Variants in DSCAML1 observed in about 807,000 individuals in gnomAD.
DSCAML1 encodes the protein cell adhesion molecule DSCAML1.
In DSCAML1, 38 loss-of-function variants were observed where a neutral mutation model predicts 200.5. The observed-to-expected ratio is 0.19, with a 90% confidence interval of 0.15 to 0.25. The LOEUF is 0.25. DSCAML1 is among the 10% of genes least tolerant of loss of function. The probability of loss-of-function intolerance (pLI) is 1.00; values close to 1 mark genes in which losing one functional copy is unlikely to be tolerated. For synonymous variants in DSCAML1, 1,215 were observed against 1,165.0 expected (o/e 1.04, Z -0.87); for missense variants, 2,223 against 2,858.8 (o/e 0.78, Z 5.07).
rs116734001 is a variant in DSCAML1, at chr11:117,749,460, T to C, written c.511+27331A>G. 9.2e-3 allele frequency among the ~76,000 whole-genome samples: 1,396 copies of C among 152,320 alleles called. 23 individuals are homozygous for C. Among genetic ancestry groups the C allele is most frequent in the African/African-American group, 0.031 (1,304 of 41,574 alleles). The stretch of plus-strand genomic sequence containing the variant: ...GAGAGGCCACGAACTGCCCTGTGCC[T>C]CTAACACTCCCTGTCTGTTAGCACA... On this transcript the variant is annotated intron_variant, in intron 3 of 32. Transcript: ENST00000651296.
At position 117,431,554 on chromosome 11, in the gene DSCAML1, G is replaced by A. The variant is rs756863051; in HGVS notation, c.5354C>T (p.Ala1785Val). Residue 1785 changes from alanine to valine, a missense_variant, in exon 31 of 33, where the codon GCC becomes GTC. Ala to Val is a moderately conservative substitution (Grantham distance 64). Around this residue, in one of 7 missense-constraint regions of DSCAML1, gnomAD observed 96 missense variants for 160.7 expected, o/e 0.60. Coordinates refer to ENST00000651296, the MANE Select transcript of DSCAML1 (RefSeq NM_020693.4). ...VTVTESDSYS[A>V]SLSQDTDKGR... ...CACACCTGTGTCCTGGGACAGGCTG[G>A]CACTGTAGCTGTCACTCTCAGTGAC... 1.3e-6 allele frequency: 2 copies of A among 1,595,426 alleles called. No individual in the cohort carries two copies. Among genetic ancestry groups the A allele is most frequent in the Non-Finnish European group, 1.7e-6 (2 of 1,169,790 alleles).
intron 3 of DSCAML1, among the ~76,000 whole-genome samples, chr11:117,742,434 C>T (rs1329020985): frequency 6.6e-6 from 1 of 152,174 alleles, no homozygotes; most frequent in Non-Finnish European, 1.5e-5. Flanking sequence ...GGGGCCCCAC[C>T]CCATGGCTGG....
chr11:117,474,512 G>T (rs1430297101), intron 14 of DSCAML1, among the ~76,000 whole-genome samples: 2 of 151,886 alleles, frequency 1.3e-5, no homozygotes, highest in Non-Finnish European at 2.9e-5. Context: ...ATCCAGCCTG[G>T]GCCTCTCCTT....
intron 3 of DSCAML1, among the ~76,000 whole-genome samples, chr11:117,564,137 G>A (rs544078565): frequency 1.6e-4 from 24 of 152,314 alleles, no homozygotes; most frequent in African/African-American, 5.8e-4. Context: ...GTTTAACACT[G>A]TATCCGCAAG....
At chr11:117,803,782 T>G (rs1207657301) in intron 1 of DSCAML1, among the ~76,000 whole-genome samples, 1 of 152,188 alleles carries the variant, frequency 6.6e-6, no homozygotes, top group Non-Finnish European at 1.5e-5. Flanking sequence ...AGAAGCCCCC[T>G]TGGAGAGATT....
chr11:117,667,544 C>T (rs549106108), intron 3 of DSCAML1, among the ~76,000 whole-genome samples: 4 of 152,332 alleles, frequency 2.6e-5, no homozygotes, highest in Non-Finnish European at 4.4e-5. Flanking sequence ...ACTGAAGAGC[C>T]AGCCCAGACA....
intron 3 of DSCAML1, among the ~76,000 whole-genome samples, chr11:117,654,604 A>G (rs577346944): frequency 1.3e-5 from 2 of 152,296 alleles, no homozygotes; most frequent in East Asian, 1.9e-4. Flanking sequence ...GAACAGAGGC[A>G]TTATTTAAAT....
intron 3 of DSCAML1, among the ~76,000 whole-genome samples, chr11:117,665,044 C>T (rs779417227): frequency 3.9e-5 from 6 of 152,180 alleles, no homozygotes; most frequent in Non-Finnish European, 8.8e-5. Flanking sequence ...GGCCAAGCCC[C>T]GCCCATCTCA....
intron 3 of DSCAML1, among the ~76,000 whole-genome samples, chr11:117,732,719 G>A (rs200446877): frequency 3.5e-4 from 53 of 152,236 alleles, no homozygotes; most frequent in East Asian, 2.9e-3. Context: ...CTCTCCTTCC[G>A]GAAAGAGCAC....
At chr11:117,484,323 G>C (rs1417502713) in intron 11 of DSCAML1, among the ~76,000 whole-genome samples, 1 of 152,092 alleles carries the variant, frequency 6.6e-6, no homozygotes, top group Non-Finnish European at 1.5e-5. Context: ...GAGGTTTCAG[G>C]CTCCCCGAAG....
At chr11:117,452,059 T>C (rs1330655502) in intron 19 of DSCAML1, among the ~76,000 whole-genome samples, 1 of 152,198 alleles carries the variant, frequency 6.6e-6, no homozygotes, top group Admixed American at 6.5e-5. Flanking sequence ...TCCTCCCTGC[T>C]ACACAGTCCT....
chr11:117,472,849 C>A (rs2048712072), intron 14 of DSCAML1, among the ~76,000 whole-genome samples: 1 of 152,108 alleles, frequency 6.6e-6, no homozygotes, highest in Non-Finnish European at 1.5e-5. Context: ...TGGCTGCGCA[C>A]CTATTAGGGG....
intron 1 of DSCAML1, among the ~76,000 whole-genome samples, chr11:117,781,441 C>T (rs190138486): frequency 6.6e-6 from 1 of 152,312 alleles, no homozygotes; most frequent in Non-Finnish European, 1.5e-5. Context: ...CTCTTTCTAT[C>T]ATCCCACAGA....
chr11:117,442,034 G>A (rs1242310606), intron 21 of DSCAML1, among the ~76,000 whole-genome samples: 1 of 54,714 alleles, frequency 1.8e-5, no homozygotes, highest in Non-Finnish European at 3.1e-5. Flanking sequence ...GTGTGTGTAT[G>A]TGTGTGTGTG....
chr11:117,684,469 G>C (rs938850981), intron 3 of DSCAML1, among the ~76,000 whole-genome samples: 10 of 131,202 alleles, frequency 7.6e-5, no homozygotes, highest in Non-Finnish European at 1.1e-4. Context: ...AAGAAAAAAA[G>C]AGGAAGAGGG....
chr11:117,595,512 A>G (rs2051347447), intron 3 of DSCAML1, among the ~76,000 whole-genome samples: 1 of 152,172 alleles, frequency 6.6e-6, no homozygotes, highest in South Asian at 2.1e-4. Context: ...ATCATCTTCA[A>G]AAACATCATT....
intron 3 of DSCAML1, among the ~76,000 whole-genome samples, chr11:117,706,822 G>A (rs2053765968): frequency 1.3e-5 from 2 of 152,214 alleles, no homozygotes; most frequent in South Asian, 2.1e-4. Context: ...CCACTGACCT[G>A]AAGGGTTAAA....
intron 3 of DSCAML1, among the ~76,000 whole-genome samples, chr11:117,732,661 G>C (rs569387115): frequency 9.9e-5 from 15 of 152,254 alleles, no homozygotes; most frequent in African/African-American, 3.6e-4. Context: ...CCAGGCTGCT[G>C]TCACTTCTGA....
chr11:117,441,075 T>G (rs575730468), intron 21 of DSCAML1, among the ~76,000 whole-genome samples: 3 of 151,912 alleles, frequency 2.0e-5, no homozygotes, highest in African/African-American at 7.2e-5. Context: ...AGGTGATGCG[T>G]AGCAGTGGGG....
Sources: allele counts gnomAD v4.1 joint callset (sites outside exome capture counted in the v4.1 genomes callset), GRCh38; gene constraint gnomAD v4.1.1; regional missense constraint gnomAD v4.1.1; transcripts MANE v1.5; gene names NCBI Gene and HGNC (gene_info 2026-07-23, HGNC 2026-07-21).